USP25: variants seen among roughly 807,000 people sequenced by gnomAD.
USP25 encodes the protein ubiquitin carboxyl-terminal hydrolase 25.
A neutral mutation model predicts 158.5 loss-of-function variants in USP25; 85 were observed. That is an observed-to-expected ratio of 0.54 (90% CI 0.45 to 0.64). The LOEUF is 0.64. Ranked by LOEUF, USP25 falls within the 30% of genes least tolerant of loss-of-function variation. The pLI is 0.00. For missense variants in USP25, 1,242 were observed against 1,327.3 expected, an observed-to-expected ratio of 0.94 and a Z score of 1.00; for synonymous variants, 464 against 460.4, an observed-to-expected ratio of 1.01 and a Z score of -0.10.
chr21:15,826,886 C>T lies in USP25; in HGVS notation c.1467-91C>T. 3 of 1,292,756 alleles carry T rather than the reference C, an allele frequency of 2.3e-6. No individual in the cohort carries two copies. The South Asian group carries it at 4.1e-5, about 18-fold the overall frequency. 80.1% of individuals were successfully genotyped at this position (1,292,756 alleles called of 1,614,324 possible). On this transcript the variant is annotated intron_variant, in intron 13 of 25. Transcript: ENST00000400183. The surrounding 1 kb of genome is among the most constrained non-coding windows in gnomAD (Gnocchi z 4.8). ...CTTTAAGATTTTTTCTTTTGAATTA[C>T]AAGCCAATTTAATACTGTGGGTTTG...
At chr21:15,800,261 C>G (rs1019947580) in intron 6 of USP25, among the ~76,000 whole-genome samples, 2 of 151,164 alleles carry the variant, frequency 1.3e-5, no homozygotes, top group African/African-American at 4.8e-5. Context: ...AAATCTGTAT[C>G]TTTCATTTTG....
intron 17 of USP25, among the ~76,000 whole-genome samples, chr21:15,839,244 T>G (rs2038211030): frequency 6.6e-6 from 1 of 152,152 alleles, no homozygotes; most frequent in South Asian, 2.1e-4. Flanking sequence ...CCCTGGGAGG[T>G]ATATACACAG....
chr21:15,799,504 G>T, intron 5 of USP25: 1 of 261,112 alleles, frequency 3.8e-6, no homozygotes, highest in Non-Finnish European at 7.3e-6. Context: ...TATAAAAAGA[G>T]CTATTAATAA....
At chr21:15,793,005 A>G (rs908425775) in intron 5 of USP25, among the ~76,000 whole-genome samples, 1 of 151,622 alleles carries the variant, frequency 6.6e-6, no homozygotes, top group Non-Finnish European at 1.5e-5. Flanking sequence ...TTAATAGGCT[A>G]TCTCACTTTA....
At chr21:15,840,140 C>G (rs919650886) in intron 17 of USP25, among the ~76,000 whole-genome samples, 1 of 152,098 alleles carries the variant, frequency 6.6e-6, no homozygotes, top group Non-Finnish European at 1.5e-5. Flanking sequence ...ATTCCTTCTG[C>G]CTGGAATCTT....
intron 4 of USP25, among the ~76,000 whole-genome samples, chr21:15,790,813 C>G (rs1191414194): frequency 6.6e-6 from 1 of 151,846 alleles, no homozygotes; most frequent in Admixed American, 6.6e-5. Context: ...AGTAGCATTA[C>G]TTTTGCCATG....
rs1366323736 is a variant in USP25, at chr21:15,824,579, G to GT, written c.1209-380dup. On this transcript the variant is annotated intron_variant, in intron 11 of 25. Transcript: ENST00000400183. ...CTGTTTTCCTGTCTTTCTTTCTTTT[G>GT]TTTTTTTCTGTCTGTCTTTCTGTCT... is the stretch of plus-strand genomic sequence containing the variant. Among the ~76,000 whole-genome samples the GT allele has an allele frequency of 1.5e-4, 23 of 148,978 alleles. No homozygotes were observed. In the South Asian group the frequency reaches 4.5e-3, roughly 29 times the overall value.
chr21:15,851,967 G>T (rs568341818), intron 20 of USP25, among the ~76,000 whole-genome samples: 3 of 152,090 alleles, frequency 2.0e-5, no homozygotes, highest in African/African-American at 7.2e-5. Flanking sequence ...TGATAGTACA[G>T]CAAGAAAGCA....
intron 20 of USP25, among the ~76,000 whole-genome samples, chr21:15,853,839 TGTTA>T (rs1374817512): frequency 5.9e-5 from 9 of 152,212 alleles, no homozygotes; most frequent in African/African-American, 9.7e-5. Context: ...TGATCTGTTC[TGTTA>T]GTTAGAACTC....
chr21:15,841,587 C>T (rs990933429), intron 17 of USP25, among the ~76,000 whole-genome samples: 1 of 152,074 alleles, frequency 6.6e-6, no homozygotes, highest in Non-Finnish European at 1.5e-5. Flanking sequence ...CTTAATAGGT[C>T]ACTTTAGGTC....
Position 15,825,086 on chromosome 21 carries a change from G to A in USP25, c.1304+25G>A, listed in dbSNP as rs1388885002. ...GGTATTTTAACTTTTATGAAATTAG[G>A]AGATAATTATCAGAAACCATGTATT... On this transcript the variant is annotated intron_variant, in intron 12 of 25. Transcript: ENST00000400183. The A allele has an allele frequency of 3.3e-6, 5 of 1,516,740 alleles. No individual in the cohort carries two copies. The South Asian group carries it at 6.0e-5, about 18-fold the overall frequency. The allele number at this position is 1,516,740 out of a possible 1,614,324, so 94.0% of individuals were successfully genotyped here.
rs982795344 is a variant in USP25 at position 15,875,417 on chromosome 21, T to G, written c.3009+891T>G. Among the ~76,000 whole-genome samples the G allele has an allele frequency of 6.6e-6, 1 of 152,196 alleles. No homozygotes were observed. Among genetic ancestry groups the G allele is most frequent in the Non-Finnish European group, 1.5e-5 (1 of 68,028 alleles). On this transcript the variant is annotated intron_variant, in intron 24 of 25. Coordinates refer to ENST00000400183, the MANE Select transcript of USP25 (RefSeq NM_001283041.3). The surrounding 1 kb of genome is among the most constrained non-coding windows in gnomAD (Gnocchi z 4.7). The stretch of plus-strand genomic sequence containing the variant: ...AAATGAAACCTCGTCAAGATTACTT[T>G]AGTGTTCCTTTCAGATTTTTTCACG...
At chr21:15,820,782 A>G (rs919353051) in intron 10 of USP25, among the ~76,000 whole-genome samples, 7 of 151,958 alleles carry the variant, frequency 4.6e-5, no homozygotes, top group African/African-American at 7.2e-5. Flanking sequence ...TCCTCAATCT[A>G]TTAAAAATTG....
At chr21:15,801,873 G>C (rs928960428) in intron 6 of USP25, among the ~76,000 whole-genome samples, 1 of 151,542 alleles carries the variant, frequency 6.6e-6, no homozygotes, top group African/African-American at 2.4e-5. Context: ...TCTAGTATTT[G>C]AAATTAGTAT....
intron 3 of USP25, among the ~76,000 whole-genome samples, chr21:15,776,249 T>A (rs2034649695): frequency 6.6e-6 from 1 of 152,210 alleles, no homozygotes; most frequent in South Asian, 2.1e-4. Context: ...TACTATGCTA[T>A]ATAAATCTTT....
At position 15,873,843 on chromosome 21, in the gene USP25, T is replaced by G. The variant is rs139264374; in HGVS notation, c.2886-560T>G. 1.3e-3 allele frequency among the ~76,000 whole-genome samples: 198 copies of G among 152,284 alleles called. 2 individuals are homozygous for G. Among genetic ancestry groups the G allele is most frequent in the African/African-American group, 4.4e-3 (182 of 41,566 alleles). On this transcript the variant is annotated intron_variant, in intron 23 of 25. Transcript: ENST00000400183. Reference sequence around the variant, plus strand: ...GCTTTTTGTTTTTGCTTTATTCCACTAGGTTTCCCAGATTTAGAAGAAATC... The same window carrying G: ...GCTTTTTGTTTTTGCTTTATTCCACGAGGTTTCCCAGATTTAGAAGAAATC...
At chr21:15,732,833 T>G (rs1280497184) in intron 1 of USP25, among the ~76,000 whole-genome samples, 1 of 152,140 alleles carries the variant, frequency 6.6e-6, no homozygotes, top group Non-Finnish European at 1.5e-5. Context: ...TTTGTCACAA[T>G]GTAGTATGAT....
chr21:15,783,682 G>A (rs1191815375), intron 4 of USP25, among the ~76,000 whole-genome samples: 1 of 152,008 alleles, frequency 6.6e-6, no homozygotes, highest in African/African-American at 2.4e-5. Flanking sequence ...GAAGGGCCGG[G>A]CGCAGTGGCT....
intron 3 of USP25, among the ~76,000 whole-genome samples, chr21:15,774,401 A>G (rs375513468): frequency 1.3e-5 from 2 of 152,188 alleles, no homozygotes; most frequent in Middle Eastern, 3.2e-3. Context: ...GGTAGAAACA[A>G]GTTTTTCAAA....
Sources: allele counts gnomAD v4.1 joint callset (sites outside exome capture counted in the v4.1 genomes callset), GRCh38; gene constraint gnomAD v4.1.1; non-coding constraint Gnocchi (gnomAD v3.1); transcripts MANE v1.5; gene names NCBI Gene and HGNC (gene_info 2026-07-23, HGNC 2026-07-21).